Variants in LRRC4C observed in about 807,000 individuals in gnomAD.
The protein encoded by LRRC4C is leucine rich repeat containing 4C, also known as leucine-rich repeat-containing protein 4C.
Under a neutral mutation model 33.6 loss-of-function variants are expected in LRRC4C, and 5 were observed. The observed-to-expected ratio is 0.15, with a 90% CI of 0.08 to 0.31. LRRC4C has a LOEUF of 0.31. Ranked by LOEUF, LRRC4C falls within the 10% of genes least tolerant of loss-of-function variation. The pLI is 1.00. For synonymous variants in LRRC4C, 329 were observed against 302.0 expected, an observed-to-expected ratio of 1.09 and a Z score of -0.93; for missense variants, 560 against 796.7, an observed-to-expected ratio of 0.70 and a Z score of 3.58.
At chr11:40,957,830 T>C (rs572468165) in intron 1 of LRRC4C, among the ~76,000 whole-genome samples, 3 of 151,730 alleles carry the variant, frequency 2.0e-5, no homozygotes, top group Non-Finnish European at 4.4e-5. Flanking sequence ...TAGGAAGTAG[T>C]ATTAAGGAGT....
At chr11:41,041,934 C>T (rs10837558) in intron 1 of LRRC4C, among the ~76,000 whole-genome samples, 55,925 of 151,914 alleles carry the variant, frequency 0.37, 10,958 homozygotes, top group East Asian at 0.51. Flanking sequence ...GATTTGTTGG[C>T]CTTCTGCAGC....
chr11:40,423,108 T>A (rs147510117), intron 3 of LRRC4C, among the ~76,000 whole-genome samples: 1 of 152,226 alleles, frequency 6.6e-6, no homozygotes, highest in Non-Finnish European at 1.5e-5. Context: ...TTCAGTAAGG[T>A]CACCTGGGTA....
intron 3 of LRRC4C, among the ~76,000 whole-genome samples, chr11:40,555,693 GC>G (rs1565500923): frequency 1.3e-5 from 2 of 152,094 alleles, no homozygotes; most frequent in African/African-American, 4.8e-5. Flanking sequence ...TAGCTGATGA[GC>G]TAAAGAAAAA....
At chr11:40,842,428 T>C (rs894461318) in intron 2 of LRRC4C, among the ~76,000 whole-genome samples, 4 of 152,176 alleles carry the variant, frequency 2.6e-5, no homozygotes, top group South Asian at 4.1e-4. Flanking sequence ...AATTGACAAA[T>C]AATAATTGCA....
At chr11:41,153,264 T>C (rs533771259) in intron 1 of LRRC4C, among the ~76,000 whole-genome samples, 1 of 152,290 alleles carries the variant, frequency 6.6e-6, no homozygotes, top group Non-Finnish European at 1.5e-5. Flanking sequence ...TACTAGATAT[T>C]GAGTACATGC....
chr11:41,050,403 C>T lies in LRRC4C; in HGVS notation c.-495-116680G>A, dbSNP rs28628039. 2.7e-3 allele frequency among the ~76,000 whole-genome samples: 412 copies of T among 152,170 alleles called. 2 individuals carry two copies. The highest frequency in any genetic ancestry group is 9.5e-3 in the African/African-American group (393 of 41,522). On this transcript the variant is annotated intron_variant, in intron 1 of 6. Transcript: ENST00000528697. ...CCACCTGGCATCCACGTTTTAGGTA[C>T]CTCATGCATTAAGTATTTGTCCTAA...
chr11:40,680,428 T>C (rs1944626644), intron 2 of LRRC4C, among the ~76,000 whole-genome samples: 1 of 152,058 alleles, frequency 6.6e-6, no homozygotes, highest in Non-Finnish European at 1.5e-5. Flanking sequence ...CAGAAGGATA[T>C]GGTTTGGCTC....
At chr11:40,215,170 A>G (rs962557810) in intron 5 of LRRC4C, among the ~76,000 whole-genome samples, 3 of 152,156 alleles carry the variant, frequency 2.0e-5, no homozygotes, top group African/African-American at 7.2e-5. Context: ...TTTTGAGTCT[A>G]ATTTTTCAAA....
chr11:40,239,792 G>A (rs188086574), intron 5 of LRRC4C, among the ~76,000 whole-genome samples: 30 of 152,318 alleles, frequency 2.0e-4, no homozygotes, highest in African/African-American at 5.3e-4. Flanking sequence ...TTATGGTATA[G>A]CAAGATGGGT....
At chr11:40,638,732 T>C (rs530571247) in intron 3 of LRRC4C, among the ~76,000 whole-genome samples, 1 of 151,020 alleles carries the variant, frequency 6.6e-6, no homozygotes, top group African/African-American at 2.4e-5. Flanking sequence ...GTCTAATCCA[T>C]AGAAGGTCCA....
At chr11:40,134,579 A>G (rs556627162) in intron 6 of LRRC4C, among the ~76,000 whole-genome samples, 2 of 152,352 alleles carry the variant, frequency 1.3e-5, no homozygotes, top group South Asian at 4.1e-4. Flanking sequence ...CTGCAGTGGT[A>G]TGGAATATGA....
chr11:40,518,118 A>G (rs1435837810), intron 3 of LRRC4C, among the ~76,000 whole-genome samples: 1 of 152,238 alleles, frequency 6.6e-6, no homozygotes, highest in East Asian at 1.9e-4. Context: ...CTCAAGGTGG[A>G]TTAAAGACTT....
chr11:40,216,435 C>T (rs1863982414), intron 5 of LRRC4C, among the ~76,000 whole-genome samples: 1 of 152,122 alleles, frequency 6.6e-6, no homozygotes, highest in African/African-American at 2.4e-5. Flanking sequence ...TTCCATTAGC[C>T]ATCATAATCC....
At chr11:41,260,217 C>A (rs1490656135) in intron 1 of LRRC4C, among the ~76,000 whole-genome samples, 1 of 152,078 alleles carries the variant, frequency 6.6e-6, no homozygotes, top group East Asian at 1.9e-4. Flanking sequence ...TGCAAAGATA[C>A]CTTGCCTGTT....
At chr11:41,022,680 C>A (rs1404167972) in intron 1 of LRRC4C, among the ~76,000 whole-genome samples, 3 of 151,964 alleles carry the variant, frequency 2.0e-5, no homozygotes, top group East Asian at 1.9e-4. Context: ...ACTGGTCTAG[C>A]TTTGGTGGAC....
intron 2 of LRRC4C, among the ~76,000 whole-genome samples, chr11:40,670,080 G>A (rs1048084812): frequency 2.0e-5 from 3 of 152,082 alleles, no homozygotes; most frequent in Non-Finnish European, 2.9e-5. Flanking sequence ...CCTCACTCCT[G>A]AAATCTCAAG....
At chr11:41,102,530 T>C (rs1340036974) in intron 1 of LRRC4C, among the ~76,000 whole-genome samples, 2 of 152,044 alleles carry the variant, frequency 1.3e-5, no homozygotes, top group African/African-American at 4.8e-5. Context: ...AAATATTACT[T>C]TCATACTTAT....
rs932994301 is a variant in LRRC4C, at chr11:41,318,195, A to T, written c.-496+141236T>A. On this transcript the variant is annotated intron_variant, in intron 1 of 6. Transcript: ENST00000528697. Reference sequence around the variant, plus strand: ...TGATCAATGAGAACAGGTATTTGCTAAAAAGATTATACATTAATATGTTTA... The same window carrying T: ...TGATCAATGAGAACAGGTATTTGCTTAAAAGATTATACATTAATATGTTTA... Among the ~76,000 whole-genome samples the T allele has an allele frequency of 2.6e-5, 4 of 152,344 alleles. No individual in the cohort carries two copies. In the East Asian group the frequency reaches 5.8e-4, roughly 22 times the overall value.
chr11:40,468,859 T>C (rs752828762), intron 3 of LRRC4C, among the ~76,000 whole-genome samples: 5 of 152,220 alleles, frequency 3.3e-5, no homozygotes, highest in Non-Finnish European at 7.3e-5. Context: ...ACCCATATTT[T>C]ATTAGGCTGT....
Sources: gnomAD v4.1 joint callset for allele counts (sites outside exome capture counted in the v4.1 genomes callset) on GRCh38, gnomAD v4.1.1 for gene constraint, MANE v1.5 for transcripts, NCBI Gene and HGNC (gene_info 2026-07-23, HGNC 2026-07-21) for gene names.